The following DENND1A variants were observed in gnomAD, a reference collection of about 807,000 sequenced individuals.
DENND1A encodes the protein DENN domain-containing protein 1A.
DENND1A carries 51 observed loss-of-function variants against 113.7 expected under a neutral mutation model. That is an observed-to-expected ratio of 0.45 (90% CI 0.36 to 0.57). DENND1A has a LOEUF of 0.57. Among genes scored for constraint, DENND1A ranks in the 20% least tolerant of loss-of-function variants. DENND1A has a pLI of 0.00. For synonymous variants in DENND1A, 565 were observed against 570.8 expected, an observed-to-expected ratio of 0.99 and a Z score of 0.14; for missense variants, 1,258 against 1,395.9, an observed-to-expected ratio of 0.90 and a Z score of 1.57.
intron 11 of DENND1A, among the ~76,000 whole-genome samples, chr9:123,604,161 A>T (rs1213162681): frequency 6.6e-6 from 1 of 152,168 alleles, no homozygotes; most frequent in East Asian, 1.9e-4. Flanking sequence ...TCATGCTCCT[A>T]TCGGAGGCTG....
chr9:123,904,215 T>A (rs1382224511), intron 1 of DENND1A, among the ~76,000 whole-genome samples: 1 of 152,188 alleles, frequency 6.6e-6, no homozygotes, highest in African/African-American at 2.4e-5. Flanking sequence ...AAAACCCATC[T>A]GTACATCACC....
At chr9:123,403,574 G>T (rs1465924711) in intron 20 of DENND1A, 84 bp from the exon 21 acceptor site, 26 of 1,282,388 alleles carry the variant, frequency 2.0e-5, no homozygotes, top group Non-Finnish European at 2.7e-5. Flanking sequence ...TGGATAAACG[G>T]CCCCCCCAAA....
intron 2 of DENND1A, among the ~76,000 whole-genome samples, chr9:123,848,575 A>G (rs771364839): frequency 6.6e-6 from 1 of 152,132 alleles, no homozygotes. Flanking sequence ...TAAGCCCATA[A>G]TTCACCCTAC....
At chr9:123,685,099 G>A (rs966502447) in intron 5 of DENND1A, among the ~76,000 whole-genome samples, 1 of 152,196 alleles carries the variant, frequency 6.6e-6, no homozygotes, top group African/African-American at 2.4e-5. Flanking sequence ...CATGTGAAAT[G>A]GGAATATCTA....
At chr9:123,449,245 G>T (rs1193066378) in intron 18 of DENND1A, among the ~76,000 whole-genome samples, 2 of 152,180 alleles carry the variant, frequency 1.3e-5, no homozygotes, top group South Asian at 2.1e-4. Flanking sequence ...CTTAAAGAAG[G>T]GTGGCAACAG....
chr9:123,738,443 C>CTGTGTG (rs59851560), intron 5 of DENND1A, among the ~76,000 whole-genome samples: 10,461 of 143,320 alleles, frequency 0.073, 407 homozygotes, highest in African/African-American at 0.086. Flanking sequence ...TCAACAGCTT[C>CTGTGTG]TGTGTGTGTG....
chr9:123,735,615 G>A (rs1431504671), intron 5 of DENND1A, among the ~76,000 whole-genome samples: 4 of 152,208 alleles, frequency 2.6e-5, no homozygotes, highest in Non-Finnish European at 4.4e-5. Flanking sequence ...TAACAAAACA[G>A]TAAGTGGTGA....
At chr9:123,456,972 AG>A (rs2048174004) in intron 15 of DENND1A, 1 of 200,658 alleles carries the variant, frequency 5.0e-6, no homozygotes, top group South Asian at 1.0e-4. Context: ...GGACATGGAT[AG>A]GAACTTTAGC....
chr9:123,622,228 C>G (rs568085397), intron 10 of DENND1A, among the ~76,000 whole-genome samples: 1 of 152,182 alleles, frequency 6.6e-6, no homozygotes, highest in African/African-American at 2.4e-5. Context: ...AAAGCATGAG[C>G]TTGTCTTGAT....
At chr9:123,821,672 C>G (rs1183494637) in intron 2 of DENND1A, among the ~76,000 whole-genome samples, 1 of 152,216 alleles carries the variant, frequency 6.6e-6, no homozygotes, top group Admixed American at 6.5e-5. Flanking sequence ...TCAACTCTAA[C>G]AGTTTCAAAC....
chr9:123,832,374 T>C (rs1840357760), intron 2 of DENND1A, among the ~76,000 whole-genome samples: 1 of 152,168 alleles, frequency 6.6e-6, no homozygotes, highest in Non-Finnish European at 1.5e-5. Flanking sequence ...AGACCTTTAA[T>C]AGTAAGTGTT....
At chr9:123,749,833 A>C (rs1466876811) in intron 5 of DENND1A, among the ~76,000 whole-genome samples, 1 of 152,218 alleles carries the variant, frequency 6.6e-6, no homozygotes, top group East Asian at 1.9e-4. Flanking sequence ...ACTAAGCTTC[A>C]TGAGGATTAA....
At chr9:123,691,525 G>T (rs963127819) in intron 5 of DENND1A, among the ~76,000 whole-genome samples, 2 of 151,396 alleles carry the variant, frequency 1.3e-5, no homozygotes, top group Non-Finnish European at 2.9e-5. Flanking sequence ...GTAGAGCGGG[G>T]TGTCTCTTTG....
chr9:123,657,161 C>T (rs1291436231), intron 8 of DENND1A, among the ~76,000 whole-genome samples: 1 of 152,198 alleles, frequency 6.6e-6, no homozygotes, highest in Non-Finnish European at 1.5e-5. Flanking sequence ...GCTCCCACTT[C>T]TCATCTCTGC....
At chr9:123,503,025 C>T (rs2052621083) in intron 13 of DENND1A, among the ~76,000 whole-genome samples, 1 of 152,172 alleles carries the variant, frequency 6.6e-6, no homozygotes, top group Non-Finnish European at 1.5e-5. Context: ...ATTGATTTAG[C>T]AGGGATAATA....
intron 5 of DENND1A, among the ~76,000 whole-genome samples, chr9:123,680,071 G>C (rs2064343346): frequency 6.6e-6 from 1 of 152,170 alleles, no homozygotes; most frequent in Non-Finnish European, 1.5e-5. Context: ...TGGGTGGAAG[G>C]AGCTGGAAGT....
chr9:123,528,023 T>A (rs768264435), intron 13 of DENND1A, among the ~76,000 whole-genome samples: 1 of 152,142 alleles, frequency 6.6e-6, no homozygotes, highest in Non-Finnish European at 1.5e-5. Context: ...ATAATAGGCA[T>A]CAGACATGTT....
At chr9:123,656,018 T>C (rs1235246632) in intron 8 of DENND1A, among the ~76,000 whole-genome samples, 1 of 152,164 alleles carries the variant, frequency 6.6e-6, no homozygotes, top group East Asian at 1.9e-4. Flanking sequence ...AGAAATCCAG[T>C]ATGCAACATA....
intron 18 of DENND1A, among the ~76,000 whole-genome samples, chr9:123,448,472 G>A (rs1407322025): frequency 3.3e-5 from 5 of 152,174 alleles, no homozygotes; most frequent in Admixed American, 6.5e-5. Flanking sequence ...CCCTTTCTTT[G>A]CTTACTTCAG....
Sources: allele counts gnomAD v4.1 joint callset (sites outside exome capture counted in the v4.1 genomes callset), GRCh38; gene constraint gnomAD v4.1.1; transcripts MANE v1.5; gene names NCBI Gene and HGNC (gene_info 2026-07-23, HGNC 2026-07-21).